The following ADRA1A variants were observed in gnomAD, a reference collection of about 807,000 sequenced individuals.
The protein encoded by ADRA1A is adrenoceptor alpha 1A.
In ADRA1A, 31 loss-of-function variants were observed where a neutral mutation model predicts 29.6. The observed-to-expected ratio is 1.05, with a 90% CI of 0.79 to 1.41. The LOEUF is 1.41. ADRA1A is among the 40% of genes most tolerant of loss of function. The pLI is 0.00. For synonymous variants in ADRA1A, 311 were observed against 254.3 expected, an observed-to-expected ratio of 1.22 and a Z score of -2.12; for missense variants, 619 against 601.1, an observed-to-expected ratio of 1.03 and a Z score of -0.31.
intron 2 of ADRA1A, among the ~76,000 whole-genome samples, chr8:26,774,952 G>A (rs1238890746): frequency 6.6e-6 from 1 of 152,130 alleles, no homozygotes; most frequent in Non-Finnish European, 1.5e-5. Context: ...TGTTTTTAGG[G>A]TGGGAAGACA....
At chr8:26,786,668 T>G (rs1471684651) in intron 2 of ADRA1A, among the ~76,000 whole-genome samples, 1 of 151,730 alleles carries the variant, frequency 6.6e-6, no homozygotes, top group Non-Finnish European at 1.5e-5. Context: ...ATATCTTAGC[T>G]TAAATCACCC....
chr8:26,859,960 G>A (rs922420063), intron 2 of ADRA1A, among the ~76,000 whole-genome samples: 1 of 151,912 alleles, frequency 6.6e-6, no homozygotes, highest in Admixed American at 6.6e-5. Context: ...TAAAGACAGG[G>A]TTTCACCATG....
chr8:26,846,701 G>A (rs952922210), intron 2 of ADRA1A, among the ~76,000 whole-genome samples: 17 of 152,216 alleles, frequency 1.1e-4, no homozygotes, highest in African/African-American at 3.9e-4. Flanking sequence ...GAACCCAGGA[G>A]GCAGAGGTTG....
In ADRA1A at chr8:26,795,138, A is replaced by T. The variant is rs574453295; in HGVS notation, c.884-24472T>A. On this transcript the variant is annotated intron_variant, in intron 2 of 2. Transcript: ENST00000380573. ...TAAAAAGGACCAAGACTTCCTGGAG[A>T]AATGGCTGATTCCAGGTCTGGCCAG... is the stretch of plus-strand genomic sequence containing the variant. Among the ~76,000 whole-genome samples the T allele has an allele frequency of 2.0e-5, 3 of 152,204 alleles. No homozygotes were observed. The East Asian group carries it at 5.8e-4, about 29-fold the overall frequency.
At chr8:26,836,963 T>C (rs1038105848) in intron 2 of ADRA1A, among the ~76,000 whole-genome samples, 3 of 152,030 alleles carry the variant, frequency 2.0e-5, no homozygotes, top group Non-Finnish European at 2.9e-5. Context: ...GGCAGCATAG[T>C]ACAGGGGAAA....
chr8:26,864,067 G>A lies in ADRA1A; in HGVS notation c.883+20C>T. 1 of 1,600,420 alleles carries A rather than the reference G, an allele frequency of 6.2e-7. No homozygotes were observed. Among genetic ancestry groups the A allele is most frequent in the African/African-American group, 1.3e-5 (1 of 74,554 alleles). ...GGTGAAGACCCCCAGATGCTAAAGT[G>A]AGGGGTGTTCAAGACTTACCAATGG... On this transcript the variant is annotated intron_variant, in intron 2 of 2. Coordinates refer to ENST00000380573, the MANE Select transcript of ADRA1A (RefSeq NM_000680.4). The surrounding 1 kb of genome is among the most constrained non-coding windows in gnomAD (Gnocchi z 8.1).
rs2130652576 is a variant in ADRA1A at position 26,831,972 on chromosome 8, G to T, written c.883+32115C>A. On this transcript the variant is annotated intron_variant, in intron 2 of 2. Transcript: ENST00000380573. This position sits in a 1 kb window ranked among gnomAD's most constrained non-coding sequence, Gnocchi z 5.2. ...TAGGCTGGAGTGGGGACAGAGGCCT[G>T]CTGGTCTCACCCCACATTTCTCATC... is the stretch of plus-strand genomic sequence containing the variant. 6.6e-6 allele frequency among the ~76,000 whole-genome samples: 1 copy of T among 152,320 alleles called. No homozygotes were observed. Among genetic ancestry groups the T allele is most frequent in the Non-Finnish European group, 1.5e-5 (1 of 68,040 alleles).
chr8:26,817,611 C>G (rs550381976), intron 2 of ADRA1A, among the ~76,000 whole-genome samples: 17 of 152,042 alleles, frequency 1.1e-4, no homozygotes, highest in Non-Finnish European at 1.9e-4. Context: ...AATGCTGCCT[C>G]TACAAAAAAT....
intron 2 of ADRA1A, chr8:26,854,730 C>T (rs1812897172): frequency 6.6e-6 from 1 of 152,274 alleles, no homozygotes; most frequent in African/African-American, 2.4e-5. Flanking sequence ...CAAACCCTCT[C>T]TGACTACTAT....
chr8:26,749,399 G>C (rs1804827134), intron 2 of ADRA1A, among the ~76,000 whole-genome samples: 2 of 152,140 alleles, frequency 1.3e-5, no homozygotes, highest in Non-Finnish European at 2.9e-5. Context: ...CATGTTCATA[G>C]AGCATTTCTG....
At chr8:26,795,465 C>T (rs1286985455) in intron 2 of ADRA1A, among the ~76,000 whole-genome samples, 3 of 151,710 alleles carry the variant, frequency 2.0e-5, no homozygotes, top group African/African-American at 2.4e-5. Context: ...TTTATCCCAC[C>T]TTTCTTGTAA....
In ADRA1A at chr8:26,866,513, CG is replaced by C. The variant is rs1813916367; in HGVS notation, c.-687+422del. Among the ~76,000 whole-genome samples, 1 of 152,154 alleles carries C rather than the reference CG, an allele frequency of 6.6e-6. No individual in the cohort carries two copies. The highest frequency in any genetic ancestry group is 1.9e-4 in the East Asian group (1 of 5,156). ...TTTCTGGGCTGGGGGCCACCATCTGCGTAAGAAACCTGGGTTTCCACAACTG... is the reference window on the plus strand; with the variant it reads ...TTTCTGGGCTGGGGGCCACCATCTGCTAAGAAACCTGGGTTTCCACAACTG... On this transcript the variant is annotated intron_variant, in intron 1 of 2. Coordinates refer to ENST00000380573, the MANE Select transcript of ADRA1A (RefSeq NM_000680.4). This position sits in a 1 kb window ranked among gnomAD's most constrained non-coding sequence, Gnocchi z 5.7.
At chr8:26,846,727 G>A (rs142517185) in intron 2 of ADRA1A, among the ~76,000 whole-genome samples, 4,814 of 152,232 alleles carry the variant, frequency 0.032, 244 homozygotes, top group African/African-American at 0.11. Context: ...AGCCGCGATC[G>A]CGCCATTGCA....
downstream of ADRA1A, chr8:26,765,852 T>A (rs1270656050): frequency 7.1e-7 from 1 of 1,407,004 alleles, no homozygotes; most frequent in Non-Finnish European, 9.2e-7. Context: ...GTAGCTGTGA[T>A]CAGAGTGAAA....
In ADRA1A at chr8:26,834,726, C is replaced by A. The variant is rs563311451; in HGVS notation, c.883+29361G>T. ...ACAATACTGAGTGCATCTCCAAGGG[C>A]AGAGTATCAAAGCATGTCCTCTGGC... On this transcript the variant is annotated intron_variant, in intron 2 of 2. Transcript: ENST00000380573. Among the ~76,000 whole-genome samples the A allele has an allele frequency of 5.9e-5, 9 of 152,332 alleles. No homozygotes were observed. The East Asian group carries it at 1.7e-3, about 29-fold the overall frequency.
intron 2 of ADRA1A, among the ~76,000 whole-genome samples, chr8:26,838,883 G>C (rs1292735421): frequency 6.6e-6 from 1 of 152,144 alleles, no homozygotes; most frequent in Non-Finnish European, 1.5e-5. Flanking sequence ...CCACCAGTGT[G>C]TCCTCTAATG....
In ADRA1A at chr8:26,769,897, G is replaced by A; in HGVS notation, c.*252C>T. On this transcript the variant is annotated 3_prime_UTR_variant, in exon 3 of 3. Coordinates refer to ENST00000380573, the MANE Select transcript of ADRA1A (RefSeq NM_000680.4). ...GGTGGTTTTCGTTGAAGTGGGCACA[G>A]AGTGACCAAGAAAGCATTAGCTGCA... 3 of 1,240,454 alleles carry A rather than the reference G, an allele frequency of 2.4e-6. No individual in the cohort carries two copies. In the South Asian group the frequency reaches 1.1e-4, roughly 44 times the overall value. The allele number at this position is 1,240,454 out of a possible 1,614,324, so 76.8% of individuals were successfully genotyped here.
At position 26,831,479 on chromosome 8, in the gene ADRA1A, C is replaced by T. The variant is rs1176996079; in HGVS notation, c.883+32608G>A. ...TGCTGGGATTGCCCAGTACCAACCC[C>T]CTGCCCACACCCCACCACTGATCAT... On this transcript the variant is annotated intron_variant, in intron 2 of 2. Coordinates refer to ENST00000380573, the MANE Select transcript of ADRA1A (RefSeq NM_000680.4). The surrounding 1 kb of genome is among the most constrained non-coding windows in gnomAD (Gnocchi z 5.2). Among the ~76,000 whole-genome samples the T allele has an allele frequency of 6.6e-6, 1 of 152,138 alleles. No homozygotes were observed. The highest frequency in any genetic ancestry group is 2.4e-5 in the African/African-American group (1 of 41,418).
rs1490250523 is a variant in ADRA1A, at chr8:26,825,658, CT to C, written c.883+38428del. 5.9e-5 allele frequency among the ~76,000 whole-genome samples: 9 copies of C among 152,220 alleles called. No homozygotes were observed. Among genetic ancestry groups the C allele is most frequent in the Non-Finnish European group, 1.2e-4 (8 of 68,052 alleles). ...AACTATGTCAGCCTTCACAGAGCAACTGTCATTCTTTAGGAAAAATCAAAAT... is the reference window on the plus strand; with the variant it reads ...AACTATGTCAGCCTTCACAGAGCAACGTCATTCTTTAGGAAAAATCAAAAT... On this transcript the variant is annotated intron_variant, in intron 2 of 2. Coordinates refer to ENST00000380573, the MANE Select transcript of ADRA1A (RefSeq NM_000680.4). The surrounding 1 kb of genome is among the most constrained non-coding windows in gnomAD (Gnocchi z 5.7).
Sources: gnomAD v4.1 joint callset for allele counts (sites outside exome capture counted in the v4.1 genomes callset) on GRCh38, gnomAD v4.1.1 for gene constraint, Gnocchi (gnomAD v3.1) non-coding constraint, MANE v1.5 for transcripts, NCBI Gene and HGNC (gene_info 2026-07-23, HGNC 2026-07-21) for gene names.